Variants in DPY19L1 observed in about 807,000 individuals in gnomAD.
DPY19L1 encodes the protein protein C-mannosyl-transferase DPY19L1.
In DPY19L1, 35 loss-of-function variants were observed where a neutral mutation model predicts 96.9. That is an observed-to-expected ratio of 0.36 (90% confidence interval 0.28 to 0.48). The LOEUF (loss-of-function observed/expected upper bound fraction) is 0.48. Among genes scored for constraint, DPY19L1 ranks in the 20% least tolerant of loss-of-function variants. The pLI, the probability that DPY19L1 is intolerant of heterozygous loss-of-function variation, is 0.99. For synonymous variants in DPY19L1, 205 were observed against 252.6 expected, an observed-to-expected ratio of 0.81 and a Z score of 1.79; for missense variants, 521 against 777.9, an observed-to-expected ratio of 0.67 and a Z score of 3.93.
At chr7:35,029,568 A>G (rs1235912636) in intron 1 of DPY19L1, among the ~76,000 whole-genome samples, 1 of 152,240 alleles carries the variant, frequency 6.6e-6, no homozygotes, top group Non-Finnish European at 1.5e-5. Flanking sequence ...AATCTTGCTT[A>G]TCTTTTAAGT....
chr7:35,010,221 C>A (rs1370631244), intron 6 of DPY19L1, among the ~76,000 whole-genome samples: 2 of 151,858 alleles, frequency 1.3e-5, no homozygotes, highest in Admixed American at 6.6e-5. Flanking sequence ...CAGAGTGAGA[C>A]CCTGTCTCAA....
intron 15 of DPY19L1, among the ~76,000 whole-genome samples, 154 bp downstream of exon 15, chr7:34,947,476 C>A (rs757077296): frequency 6.6e-6 from 1 of 152,102 alleles, no homozygotes; most frequent in Non-Finnish European, 1.5e-5. Context: ...ATATAAATGT[C>A]TATCAAAAGC....
chr7:35,004,360 C>G (rs1436021626), intron 6 of DPY19L1, among the ~76,000 whole-genome samples: 2 of 152,152 alleles, frequency 1.3e-5, no homozygotes, highest in Non-Finnish European at 2.9e-5. Context: ...GTGCCTGATA[C>G]TCAGTTTTTC....
intron 7 of DPY19L1, among the ~76,000 whole-genome samples, chr7:34,975,738 T>A (rs912875887): frequency 6.6e-6 from 1 of 152,192 alleles, no homozygotes; most frequent in African/African-American, 2.4e-5. Context: ...AGTGACTATC[T>A]TGAAGCCAAT....
intron 4 of DPY19L1, among the ~76,000 whole-genome samples, chr7:35,011,789 A>C (rs946170580): frequency 6.6e-6 from 1 of 152,268 alleles, no homozygotes; most frequent in Non-Finnish European, 1.5e-5. Context: ...ATTATTTAAG[A>C]TATGAATTCT....
rs1783694105 is a variant in DPY19L1, at chr7:34,929,022, T to C, written c.*2551A>G. The C allele has an allele frequency of 6.6e-6, 1 of 152,232 alleles. No homozygotes were observed. Among genetic ancestry groups the C allele is most frequent in the Non-Finnish European group, 1.5e-5 (1 of 68,038 alleles). The allele number at this position is 152,232 out of a possible 1,614,324, so 9.4% of individuals were successfully genotyped here. A position where few individuals can be genotyped will look rare whatever the true frequency, so the allele number is the denominator to read the frequency against. ...CATTTTCTCATTAATATCACTGGCC[T>C]ATTTTAACACTATATTTTTTTTGCC... On this transcript the variant is annotated 3_prime_UTR_variant, in exon 22 of 22. Coordinates refer to ENST00000638088, the MANE Select transcript of DPY19L1 (RefSeq NM_001366673.1).
intron 7 of DPY19L1, among the ~76,000 whole-genome samples, chr7:34,974,285 C>T (rs535501120): frequency 1.3e-5 from 2 of 152,228 alleles, no homozygotes; most frequent in South Asian, 4.1e-4. Context: ...ATCCTTCCAT[C>T]GACAGAAAAC....
chr7:35,017,518 A>AC (rs763524027), intron 3 of DPY19L1, among the ~76,000 whole-genome samples: 1 of 91,340 alleles, frequency 1.1e-5, no homozygotes, highest in East Asian at 2.5e-4. Context: ...AAAAAAAAAA[A>AC]AAAATTAGCC....
Position 34,940,270 on chromosome 7 carries a change from C to G in DPY19L1, c.1747G>C (p.Ala583Pro), listed in dbSNP as rs1189125376. Reference protein sequence around the residue: ...HPGAIVFAILAAMSIQGSANL... With the variant: ...HPGAIVFAILPAMSIQGSANL... ...GCTGAACCTTGTATTGACATTGCTG[C>G]TAATATAGCAAACACAATAGCACCA... is the stretch of plus-strand genomic sequence containing the variant. The change falls in exon 19 of 22, where the codon GCA becomes CCA. Residue 583 changes from alanine to proline, a missense_variant. Physicochemically the swap from Ala to Pro is conservative, Grantham distance 27. Transcript: ENST00000638088. The G allele has an allele frequency of 6.2e-7, 1 of 1,611,764 alleles. No homozygotes were observed. The highest frequency in any genetic ancestry group is 1.1e-5 in the South Asian group (1 of 90,908).
At chr7:34,962,648 AT>A (rs1275649108) in intron 10 of DPY19L1, among the ~76,000 whole-genome samples, 1 of 152,048 alleles carries the variant, frequency 6.6e-6, no homozygotes, top group African/African-American at 2.4e-5. Flanking sequence ...GGTGAGCCAT[AT>A]TTGCACCACT....
upstream of DPY19L1, chr7:35,037,580 C>G (rs1470968591): frequency 3.5e-6 from 1 of 287,432 alleles, no homozygotes; most frequent in African/African-American, 2.2e-5. Context: ...TGCTGCCTGG[C>G]TGGCAGTACC....
chr7:35,019,488 G>A (rs1401436354), intron 1 of DPY19L1, among the ~76,000 whole-genome samples: 1 of 150,458 alleles, frequency 6.6e-6, no homozygotes, highest in African/African-American at 2.5e-5. Context: ...AGAAGAAGTA[G>A]GAGGAAGAAG....
chr7:34,944,395 A>G (rs1389158401), intron 16 of DPY19L1, among the ~76,000 whole-genome samples: 1 of 151,190 alleles, frequency 6.6e-6, no homozygotes. Context: ...GAAAAATTAA[A>G]AAAAAGAAAA....
chr7:35,007,583 C>T (rs564795393), intron 6 of DPY19L1, among the ~76,000 whole-genome samples: 84 of 139,342 alleles, frequency 6.0e-4, no homozygotes, highest in African/African-American at 1.8e-3. Context: ...AGCACACACA[C>T]GTGTGGTGTG....
chr7:35,010,024 G>A (rs977403735), intron 6 of DPY19L1, among the ~76,000 whole-genome samples: 2 of 152,074 alleles, frequency 1.3e-5, no homozygotes, highest in Admixed American at 6.6e-5. Flanking sequence ...AGCCCAGGAA[G>A]TTGAGACTAG....
Position 34,941,863 on chromosome 7 carries a change from A to G in DPY19L1, c.1591T>C (p.Leu531=). The G allele has an allele frequency of 6.4e-7, 1 of 1,570,054 alleles. No homozygotes were observed. The highest frequency in any genetic ancestry group is 1.2e-5 in the South Asian group (1 of 84,924). The part of the protein sequence containing the change: ...HGELVYHALQ[L]LAYTALGILI... ...ATACCAAGGGCTGTATATGCTAACA[A>G]TTGCAATGCATGGTAAACCAGCTGA... Residue 531 remains leucine, a synonymous_variant, in exon 18 of 22, where the codon TTG becomes CTG. Transcript: ENST00000638088.
rs1203111657 is a variant in DPY19L1, at chr7:34,944,281, TG to T, written c.1544+1385del. 3.5e-5 allele frequency among the ~76,000 whole-genome samples: 5 copies of T among 144,868 alleles called. No individual in the cohort carries two copies. In the East Asian group the frequency reaches 1.0e-3, roughly 30 times the overall value. On this transcript the variant is annotated intron_variant, in intron 16 of 21. Coordinates refer to ENST00000638088, the MANE Select transcript of DPY19L1 (RefSeq NM_001366673.1). ...AGGAGGCTGAGGCAGACGAATCGCC[TG>T]AACCCGGGAGGCGGAGGTTGCAGTG...
chr7:34,941,199 G>T (rs1474118349), intron 18 of DPY19L1, among the ~76,000 whole-genome samples: 2 of 152,098 alleles, frequency 1.3e-5, no homozygotes, highest in Non-Finnish European at 2.9e-5. Context: ...TGCTGCTGTT[G>T]TACCTAGGCT....
intron 3 of DPY19L1, among the ~76,000 whole-genome samples, chr7:35,014,938 G>C (rs1436240926): frequency 6.6e-6 from 1 of 152,188 alleles, no homozygotes; most frequent in African/African-American, 2.4e-5. Flanking sequence ...AGCATGCCAA[G>C]GAATTCCAAG....
Sources: allele counts gnomAD v4.1 joint callset (sites outside exome capture counted in the v4.1 genomes callset), GRCh38; gene constraint gnomAD v4.1.1; transcripts MANE v1.5; gene names NCBI Gene and HGNC (gene_info 2026-07-23, HGNC 2026-07-21).